Variants in TDRD12 observed in about 807,000 individuals in gnomAD.
The protein encoded by TDRD12 is tudor domain containing 12.
Under a neutral mutation model 133.5 loss-of-function variants are expected in TDRD12, and 158 were observed. That is an observed-to-expected ratio of 1.18 (90% CI 1.04 to 1.35). TDRD12 has a LOEUF of 1.35. TDRD12 is among the 40% of genes most tolerant of loss of function. The pLI is 0.00. For missense variants in TDRD12, 1,443 were observed against 1,321.3 expected (o/e 1.09, Z -1.43); for synonymous variants, 460 against 477.9 (o/e 0.96, Z 0.49).
chr19:32,821,415 T>A (rs868735595), downstream of TDRD12, among the ~76,000 whole-genome samples: 179 of 136,856 alleles, frequency 1.3e-3, no homozygotes, highest in Middle Eastern at 3.9e-3. Flanking sequence ...TGTGTGCGTG[T>A]GAACCACACC....
chr19:32,747,113 TGA>T (rs1279291944), intron 4 of TDRD12, among the ~76,000 whole-genome samples: 19 of 144,874 alleles, frequency 1.3e-4, no homozygotes, highest in African/African-American at 3.6e-4. Flanking sequence ...TCTGTGTGTG[TGA>T]GAGAGGGGGA....
intron 21 of TDRD12, among the ~76,000 whole-genome samples, chr19:32,804,486 G>A (rs542851157): frequency 7.3e-5 from 11 of 149,834 alleles, no homozygotes; most frequent in African/African-American, 2.4e-4. Context: ...AAGGTCAAGA[G>A]ATCGAGACCA....
chr19:32,796,296 G>A, intron 14 of TDRD12: 1 of 629,170 alleles, frequency 1.6e-6, no homozygotes, highest in Non-Finnish European at 2.0e-6. Context: ...CCTTTAGAAA[G>A]TTGCATCTGT....
intron 1 of TDRD12, among the ~76,000 whole-genome samples, chr19:32,726,061 C>T (rs1968848730): frequency 6.6e-6 from 1 of 151,746 alleles, no homozygotes; most frequent in African/African-American, 2.4e-5. Context: ...GTGTACAGTT[C>T]ATGGTATTAA....
At chr19:32,827,908 T>G (rs558041959) in exon 10 of TDRD12, 13 of 152,358 alleles carry the variant, frequency 8.5e-5, no homozygotes, top group Admixed American at 6.5e-4. Flanking sequence ...ATCTGGGTGA[T>G]GAAATGCACT....
intron 11 of TDRD12, among the ~76,000 whole-genome samples, chr19:32,787,520 G>T (rs932067536): frequency 1.3e-5 from 2 of 152,196 alleles, no homozygotes; most frequent in African/African-American, 2.4e-5. Flanking sequence ...GATATGCCAT[G>T]CCCCCAGAGG....
chr19:32,771,633 G>A (rs1426669755), intron 8 of TDRD12, among the ~76,000 whole-genome samples: 3 of 149,950 alleles, frequency 2.0e-5, no homozygotes, highest in South Asian at 2.1e-4. Flanking sequence ...ACTACTTTGC[G>A]GACTTAGTGA....
rs969154420 is a variant in TDRD12 at position 32,816,209 on chromosome 19, G to A, written c.3314+589G>A. ...TGTTAACTTTTTCTTGACAAATAAC[G>A]CACACACAGAAAAGTGCGCACATCA... On this transcript the variant is annotated intron_variant, in intron 26 of 27. Coordinates refer to ENST00000444215, the Ensembl canonical transcript of TDRD12. 2.0e-5 allele frequency among the ~76,000 whole-genome samples: 3 copies of A among 152,006 alleles called. No individual in the cohort carries two copies. In the East Asian group the frequency reaches 5.8e-4, roughly 29 times the overall value.
intron 11 of TDRD12, among the ~76,000 whole-genome samples, chr19:32,778,480 T>C (rs954375164): frequency 4.6e-5 from 7 of 152,130 alleles, no homozygotes; most frequent in Non-Finnish European, 1.0e-4. Flanking sequence ...CCCTGGAATA[T>C]TCTTTTTTTC....
chr19:32,810,374 G>A, intron 23 of TDRD12, 97 bp downstream of exon 23: 2 of 1,010,870 alleles, frequency 2.0e-6, no homozygotes, highest in Non-Finnish European at 2.8e-6. Context: ...TTGACTGAGT[G>A]TGTATGTGAG....
At chr19:32,772,895 T>C (rs1351974295) in intron 9 of TDRD12, 45 bp downstream of exon 9, 1 of 1,151,290 alleles carries the variant, frequency 8.7e-7, no homozygotes, top group Non-Finnish European at 1.2e-6. Flanking sequence ...TCATATAGTG[T>C]TAATTTTCAA....
At chr19:32,739,260 T>G (rs1399978483) in intron 3 of TDRD12, among the ~76,000 whole-genome samples, 1 of 152,130 alleles carries the variant, frequency 6.6e-6, no homozygotes, top group African/African-American at 2.4e-5. Flanking sequence ...GATGGTGTTC[T>G]TTGCATCTCC....
At chr19:32,766,930 T>G (rs1448288887) in intron 8 of TDRD12, among the ~76,000 whole-genome samples, 1 of 151,392 alleles carries the variant, frequency 6.6e-6, no homozygotes, top group African/African-American at 2.4e-5. Context: ...TAATTTTTTG[T>G]TTTGTATGTT....
At chr19:32,781,610 T>G (rs766787751) in intron 11 of TDRD12, among the ~76,000 whole-genome samples, 1 of 152,198 alleles carries the variant, frequency 6.6e-6, no homozygotes, top group Non-Finnish European at 1.5e-5. Flanking sequence ...TTTGAAGACA[T>G]TTCTACTTCT....
chr19:32,727,915 G>A (rs1968911876), intron 1 of TDRD12, among the ~76,000 whole-genome samples: 1 of 152,134 alleles, frequency 6.6e-6, no homozygotes, highest in African/African-American at 2.4e-5. Context: ...TGATCTGCCT[G>A]CTTTGGCCTT....
downstream of TDRD12, among the ~76,000 whole-genome samples, chr19:32,822,965 T>C (rs985867515): frequency 6.6e-6 from 1 of 152,192 alleles, no homozygotes; most frequent in Non-Finnish European, 1.5e-5. Context: ...CATATATTGA[T>C]AAACTCATCC....
At chr19:32,790,929 C>T (rs1478879685) in intron 12 of TDRD12, 35 bp from the exon 13 acceptor site, 1 of 1,526,772 alleles carries the variant, frequency 6.5e-7, no homozygotes, top group African/African-American at 1.4e-5. Flanking sequence ...CGCCTCAGGG[C>T]AGACACTGGT....
intron 16 of TDRD12, among the ~76,000 whole-genome samples, chr19:32,798,804 T>G (rs926370400): frequency 1.8e-4 from 27 of 152,334 alleles, no homozygotes; most frequent in African/African-American, 5.5e-4. Flanking sequence ...AGTATTTGCT[T>G]CTTTTTCTTT....
Position 32,806,342 on chromosome 19 carries a change from T to TTTG in TDRD12, c.2553-1205_2553-1204insGTT, listed in dbSNP as rs1555776578. Reference sequence around the variant, plus strand: ...TTACGCTTAAAGAAGACCGAGTTTTTTTTTTTTTTTTTTTAAGACAGTCTC... The same window carrying TTTG: ...TTACGCTTAAAGAAGACCGAGTTTTTTTGTTTTTTTTTTTTTTAAGACAGTCTC... On this transcript the variant is annotated intron_variant, in intron 21 of 27. Coordinates refer to ENST00000444215, the Ensembl canonical transcript of TDRD12. 2.0e-5 allele frequency among the ~76,000 whole-genome samples: 3 copies of TTTG among 151,186 alleles called. No homozygotes were observed. The East Asian group carries it at 5.9e-4, about 29-fold the overall frequency.
Sources: allele counts gnomAD v4.1 joint callset (sites outside exome capture counted in the v4.1 genomes callset), GRCh38; gene constraint gnomAD v4.1.1; transcripts MANE v1.5; gene names NCBI Gene and HGNC (gene_info 2026-07-23, HGNC 2026-07-21).